The following NBAS variants were observed in gnomAD, a reference collection of about 807,000 sequenced individuals.
The protein encoded by NBAS is NAG/BC035112 fusion.
A neutral mutation model predicts 302.5 loss-of-function variants in NBAS; 219 were observed. The observed-to-expected ratio is 0.72, with a 90% CI of 0.65 to 0.81. The LOEUF is 0.81. Among genes scored for constraint, NBAS ranks in the 30% least tolerant of loss-of-function variants. The pLI is 0.00. For missense variants in NBAS, 2,932 were observed against 2,841.6 expected, an observed-to-expected ratio of 1.03 and a Z score of -0.72; for synonymous variants, 1,118 against 1,021.6, an observed-to-expected ratio of 1.09 and a Z score of -1.80.
At chr2:15,307,098 G>A (rs547722669) in intron 40 of NBAS, among the ~76,000 whole-genome samples, 2 of 152,330 alleles carry the variant, frequency 1.3e-5, no homozygotes, top group South Asian at 4.1e-4. Flanking sequence ...TGTGACAGGT[G>A]GGGATCTAAA....
chr2:15,438,550 A>T (rs1180085658), intron 21 of NBAS, among the ~76,000 whole-genome samples: 1 of 152,204 alleles, frequency 6.6e-6, no homozygotes, highest in Non-Finnish European at 1.5e-5. Flanking sequence ...GACACCAGGC[A>T]CTGCAGGATA....
chr2:15,359,753 TGACG>T (rs1378007521), intron 32 of NBAS, among the ~76,000 whole-genome samples: 1 of 152,202 alleles, frequency 6.6e-6, no homozygotes, highest in African/African-American at 2.4e-5. Flanking sequence ...TGTAAGCTTT[TGACG>T]GACAGGGGTT....
the NBAS span, among the ~76,000 whole-genome samples, chr2:14,959,201 G>C: frequency 2.6e-5 from 4 of 152,216 alleles, no homozygotes; most frequent in Non-Finnish European, 4.4e-5. Context: ...AAAGAGAGAT[G>C]CAATTCCTAT....
intron 23 of NBAS, among the ~76,000 whole-genome samples, chr2:15,418,382 A>G (rs1677048320): frequency 6.6e-6 from 1 of 152,172 alleles, no homozygotes; most frequent in Non-Finnish European, 1.5e-5. Context: ...GAAATGATCT[A>G]GTGTAGTCTA....
At chr2:15,028,739 C>T in the NBAS span, among the ~76,000 whole-genome samples, 1 of 152,344 alleles carries the variant, frequency 6.6e-6, no homozygotes, top group East Asian at 1.9e-4. Flanking sequence ...CATTCTCATA[C>T]CTTCCTGACA....
chr2:14,886,791 G>A, the NBAS span: 1 of 152,214 alleles, frequency 6.6e-6, no homozygotes, highest in Non-Finnish European at 1.5e-5. Flanking sequence ...TGAGCGCTCA[G>A]TAGAATCCCA....
chr2:14,857,520 A>G, the NBAS span, among the ~76,000 whole-genome samples: 1 of 152,170 alleles, frequency 6.6e-6, no homozygotes, highest in African/African-American at 2.4e-5. Context: ...CGATAAATCC[A>G]TACATCTACA....
intron 32 of NBAS, among the ~76,000 whole-genome samples, chr2:15,363,925 C>T (rs538326094): frequency 6.6e-6 from 1 of 152,182 alleles, no homozygotes; most frequent in Non-Finnish European, 1.5e-5. Context: ...ACAGCTTCCT[C>T]TTTGCTTTCT....
the NBAS span, among the ~76,000 whole-genome samples, chr2:14,945,010 G>A: frequency 0.16 from 23,669 of 152,182 alleles, 2,541 homozygotes; most frequent in African/African-American, 0.31. Flanking sequence ...AGTGAAGAGG[G>A]AGGGCGACCA....
intron 35 of NBAS, among the ~76,000 whole-genome samples, chr2:15,336,854 T>C (rs919019155): frequency 5.3e-5 from 8 of 152,328 alleles, no homozygotes; most frequent in African/African-American, 1.9e-4. Context: ...ATGTATTGAA[T>C]GATTTGAAAG....
intron 11 of NBAS, among the ~76,000 whole-genome samples, chr2:15,498,319 G>A (rs1406999692): frequency 2.6e-5 from 4 of 152,048 alleles, no homozygotes; most frequent in African/African-American, 9.7e-5. Context: ...TATACCTTTT[G>A]AGTTGTGAAG....
chr2:15,060,883 G>A, the NBAS span, among the ~76,000 whole-genome samples: 1 of 152,136 alleles, frequency 6.6e-6, no homozygotes, highest in African/African-American at 2.4e-5. Flanking sequence ...CGACTTCCCA[G>A]TAAACAAAAT....
chr2:15,228,290 A>C (rs1242460151), intron 47 of NBAS, among the ~76,000 whole-genome samples: 2 of 152,242 alleles, frequency 1.3e-5, no homozygotes, highest in Non-Finnish European at 2.9e-5. Flanking sequence ...GGGAAATGCA[A>C]TCAAAATGAC....
the NBAS span, among the ~76,000 whole-genome samples, chr2:14,930,827 A>G: frequency 6.6e-6 from 1 of 152,256 alleles, no homozygotes; most frequent in East Asian, 1.9e-4. Flanking sequence ...TAATATTAGT[A>G]CAAATCAGTT....
chr2:15,387,224 T>G (rs998276254), intron 28 of NBAS, among the ~76,000 whole-genome samples: 1 of 151,812 alleles, frequency 6.6e-6, no homozygotes, highest in African/African-American at 2.4e-5. Flanking sequence ...CCTGCTACCA[T>G]GCCTGGCTAA....
At chr2:14,809,758 T>C in the NBAS span, among the ~76,000 whole-genome samples, 375 of 152,156 alleles carry the variant, frequency 2.5e-3, no homozygotes, top group African/African-American at 8.2e-3. Flanking sequence ...TCACCAACAG[T>C]TTACACCATG....
At chr2:15,231,248 A>C (rs1667371738) in intron 47 of NBAS, among the ~76,000 whole-genome samples, 1 of 152,218 alleles carries the variant, frequency 6.6e-6, no homozygotes, top group Non-Finnish European at 1.5e-5. Context: ...CTGAAGAACC[A>C]TAAGCAAAGG....
At chr2:15,532,689 T>C (rs1663281832) in intron 9 of NBAS, among the ~76,000 whole-genome samples, 1 of 151,966 alleles carries the variant, frequency 6.6e-6, no homozygotes. Flanking sequence ...TTTAAATGTA[T>C]GAAAACAATC....
At chr2:15,328,161 G>A in intron 37 of NBAS, 38 bp downstream of exon 37, 1 of 1,571,560 alleles carries the variant, frequency 6.4e-7, no homozygotes, top group African/African-American at 1.4e-5. Flanking sequence ...ACAACAGCAT[G>A]ACAGTTAAAT....
Sources: allele counts gnomAD v4.1 joint callset (sites outside exome capture counted in the v4.1 genomes callset), GRCh38; gene constraint gnomAD v4.1.1; transcripts MANE v1.5; gene names NCBI Gene and HGNC (gene_info 2026-07-23, HGNC 2026-07-21).